The following KCNH7 variants were observed in gnomAD, a reference collection of about 807,000 sequenced individuals.
KCNH7 encodes the protein voltage-gated inwardly rectifying potassium channel KCNH7.
In KCNH7, 49 loss-of-function variants were observed where a neutral mutation model predicts 120.8. The observed-to-expected ratio is 0.41, with a 90% CI of 0.32 to 0.51. KCNH7 has a LOEUF of 0.51. KCNH7 is among the 20% of genes least tolerant of loss of function. The pLI is 0.38. For missense variants in KCNH7, 1,097 were observed against 1,446.6 expected, an observed-to-expected ratio of 0.76 and a Z score of 3.92; for synonymous variants, 547 against 516.1, an observed-to-expected ratio of 1.06 and a Z score of -0.81.
chr2:162,389,238 G>A (rs1686669903), intron 12 of KCNH7, among the ~76,000 whole-genome samples: 4 of 151,826 alleles, frequency 2.6e-5, no homozygotes, highest in Non-Finnish European at 4.4e-5. Flanking sequence ...GAGGGTCTTC[G>A]GAGCTCTGAG....
chr2:162,619,282 G>T (rs568422560), intron 2 of KCNH7, among the ~76,000 whole-genome samples: 2 of 152,022 alleles, frequency 1.3e-5, no homozygotes, highest in Non-Finnish European at 2.9e-5. Context: ...ACTAAGAGAG[G>T]TGAGTACAAG....
At position 162,836,729 on chromosome 2, in the gene KCNH7, A is replaced by T; in HGVS notation, c.115T>A (p.Cys39Ser). The T allele has an allele frequency of 6.2e-7, 1 of 1,614,074 alleles. No individual in the cohort carries two copies. ...FIIANARVQN[C>S]AIIYCNDGFC... ...CCATCGTTGCAATAAATGATGGCAC[A>T]GTTCTGCACTCTGGCATTTGCAATG... Residue 39 changes from cysteine (C) to serine (S), a missense_variant, in exon 2 of 16, where the codon TGT becomes AGT. Around this residue, in one of 8 missense-constraint regions of KCNH7, gnomAD observed 57 missense variants for 116.2 expected, o/e 0.49. Coordinates refer to ENST00000332142, the MANE Select transcript of KCNH7 (RefSeq NM_033272.4).
At chr2:162,512,855 T>G (rs900795207) in intron 4 of KCNH7, among the ~76,000 whole-genome samples, 181 bp from the exon 5 acceptor site, 1 of 151,784 alleles carries the variant, frequency 6.6e-6, no homozygotes, top group Non-Finnish European at 1.5e-5. Context: ...ATACTAAAAA[T>G]AGTATCTGTC....
chr2:162,441,994 G>GTCT (rs1237041122), intron 7 of KCNH7, among the ~76,000 whole-genome samples: 2,924 of 46,412 alleles, frequency 0.063, 262 homozygotes, highest in African/African-American at 0.13. Flanking sequence ...AAATAGTTAG[G>GTCT]TCTTCTTTTT....
intron 9 of KCNH7, among the ~76,000 whole-genome samples, chr2:162,409,809 T>G (rs1418327330): frequency 1.3e-5 from 2 of 151,756 alleles, no homozygotes; most frequent in African/African-American, 4.8e-5. Context: ...AGAGACAAAT[T>G]AAGAATGCAA....
At chr2:162,589,751 A>G (rs993987606) in intron 2 of KCNH7, among the ~76,000 whole-genome samples, 1 of 152,134 alleles carries the variant, frequency 6.6e-6, no homozygotes, top group African/African-American at 2.4e-5. Flanking sequence ...CATGAATTTA[A>G]CATAAGAAGA....
At chr2:162,449,329 C>T (rs1278633223) in intron 6 of KCNH7, among the ~76,000 whole-genome samples, 1 of 151,852 alleles carries the variant, frequency 6.6e-6, no homozygotes, top group Non-Finnish European at 1.5e-5. Flanking sequence ...TTCTTATTTA[C>T]AATGTTAGAT....
chr2:162,472,011 G>C (rs1056412392), intron 6 of KCNH7, among the ~76,000 whole-genome samples: 2 of 152,168 alleles, frequency 1.3e-5, no homozygotes, highest in African/African-American at 4.8e-5. Flanking sequence ...TTAATAAATG[G>C]TGCTGGGAAA....
chr2:162,470,162 C>T (rs1235089566), intron 6 of KCNH7, among the ~76,000 whole-genome samples: 1 of 152,116 alleles, frequency 6.6e-6, no homozygotes, highest in African/African-American at 2.4e-5. Context: ...CTCTGCCTGG[C>T]CGCCCATCGT....
chr2:162,469,898 G>A (rs570824225), intron 6 of KCNH7, among the ~76,000 whole-genome samples: 5 of 152,334 alleles, frequency 3.3e-5, no homozygotes, highest in African/African-American at 9.6e-5. Flanking sequence ...TGGTGGAGAC[G>A]GGGTTTCGCT....
chr2:162,413,632 T>TTG (rs1458702168), intron 9 of KCNH7, among the ~76,000 whole-genome samples: 3 of 152,148 alleles, frequency 2.0e-5, no homozygotes, highest in Non-Finnish European at 2.9e-5. Flanking sequence ...TTCAAACAGA[T>TTG]TGTGGAGTTT....
At position 162,504,671 on chromosome 2, in the gene KCNH7, A is replaced by T; in HGVS notation, c.914-14T>A. On this transcript the variant is annotated splice_polypyrimidine_tract_variant and intron_variant, in intron 5 of 15. Coordinates refer to ENST00000332142, the MANE Select transcript of KCNH7 (RefSeq NM_033272.4). ...GATTAAAAGGCCCTAAAAAAATGGAAAGTATTTGTAAGAGTAATATAAGAA... is the reference window on the plus strand; with the variant it reads ...GATTAAAAGGCCCTAAAAAAATGGATAGTATTTGTAAGAGTAATATAAGAA... 1.3e-6 allele frequency: 2 copies of T among 1,495,786 alleles called. No individual in the cohort carries two copies. Among genetic ancestry groups the T allele is most frequent in the Non-Finnish European group, 1.9e-6 (2 of 1,074,388 alleles). The allele number at this position is 1,495,786 out of a possible 1,614,324, so 92.7% of individuals were successfully genotyped here. A position where few individuals can be genotyped will look rare whatever the true frequency, so the allele number is the denominator to read the frequency against.
At chr2:162,566,912 G>A (rs1693276156) in intron 2 of KCNH7, among the ~76,000 whole-genome samples, 1 of 151,970 alleles carries the variant, frequency 6.6e-6, no homozygotes, top group African/African-American at 2.4e-5. Context: ...AAAATAGTAG[G>A]ATTTGATCAG....
Position 162,669,822 on chromosome 2 carries a change from G to A in KCNH7, c.308-132742C>T, listed in dbSNP as rs141336970. Among the ~76,000 whole-genome samples, 38 of 152,220 alleles carry A rather than the reference G, an allele frequency of 2.5e-4. No individual in the cohort carries two copies. In the East Asian group the frequency reaches 7.0e-3, roughly 28 times the overall value. On this transcript the variant is annotated intron_variant, in intron 2 of 15. Coordinates refer to ENST00000332142, the MANE Select transcript of KCNH7 (RefSeq NM_033272.4). ...AAGTATGTGCTTAAGAAAGAAGGCC[G>A]GGAGCGGTGGCTCACACCTGTAATC... is the stretch of plus-strand genomic sequence containing the variant.
intron 2 of KCNH7, among the ~76,000 whole-genome samples, chr2:162,605,015 T>G (rs1389210940): frequency 1.3e-5 from 2 of 152,128 alleles, no homozygotes; most frequent in African/African-American, 4.8e-5. Flanking sequence ...CAAATGCTTA[T>G]TAATTATTTC....
At position 162,371,861 on chromosome 2, in the gene KCNH7, G is replaced by T. The variant is rs200298014; in HGVS notation, c.3559C>A (p.His1187Asn). The change falls in exon 16 of 16, where the codon CAT becomes AAT. Residue 1187 changes from histidine (H) to asparagine (N), a missense_variant. His to Asn is a moderately conservative substitution (Grantham distance 68). Coordinates refer to ENST00000332142, the MANE Select transcript of KCNH7 (RefSeq NM_033272.4). ...CCTGGAAGACCAGGATCAGAAACAT[G>T]CCTATGAAGACCCACGATTCCTACA... ...STVGIVGLHR[H>N]VSDPGLPGK 5 of 1,611,998 alleles carry T rather than the reference G, an allele frequency of 3.1e-6. 1 individual carries two copies. The highest frequency in any genetic ancestry group is 3.3e-4 in the Middle Eastern group (2 of 6,058).
At chr2:162,688,768 T>G (rs766152642) in intron 2 of KCNH7, among the ~76,000 whole-genome samples, 24 of 151,422 alleles carry the variant, frequency 1.6e-4, no homozygotes, top group Non-Finnish European at 2.5e-4. Flanking sequence ...CTCTGCTGTC[T>G]GCACTGCTGT....
chr2:162,618,168 A>G (rs1574176620), intron 2 of KCNH7, among the ~76,000 whole-genome samples: 2 of 152,164 alleles, frequency 1.3e-5, no homozygotes, highest in East Asian at 1.9e-4. Flanking sequence ...CTGCATAATA[A>G]TAGTAAAATG....
chr2:162,515,277 G>C (rs1435704184), intron 4 of KCNH7, among the ~76,000 whole-genome samples: 1 of 151,630 alleles, frequency 6.6e-6, no homozygotes, highest in Non-Finnish European at 1.5e-5. Context: ...TTTATGTATA[G>C]CACCCGTACT....
Sources: gnomAD v4.1 joint callset for allele counts (sites outside exome capture counted in the v4.1 genomes callset) on GRCh38, gnomAD v4.1.1 for gene constraint, gnomAD v4.1.1 regional missense constraint, MANE v1.5 for transcripts, NCBI Gene and HGNC (gene_info 2026-07-23, HGNC 2026-07-21) for gene names.